Variants in HIPK4 observed in about 807,000 individuals in gnomAD.
The protein encoded by HIPK4 is homeodomain-interacting protein kinase 4.
Under a neutral mutation model 44.8 loss-of-function variants are expected in HIPK4, and 26 were observed. The observed-to-expected ratio is 0.58, with a 90% CI of 0.43 to 0.80. The LOEUF (loss-of-function observed/expected upper bound fraction) is 0.80, where lower values mean the gene tolerates loss of function less well. Ranked by LOEUF, HIPK4 falls within the 30% of genes least tolerant of loss-of-function variation. The pLI is 0.00. For synonymous variants in HIPK4, 340 were observed against 355.5 expected (o/e 0.96, Z 0.49); for missense variants, 729 against 862.6 (o/e 0.85, Z 1.94).
At position 40,383,870 on chromosome 19, in the gene HIPK4, G is replaced by A. The variant is rs1319617298; in HGVS notation, c.735C>T (p.Ala245=). 2.5e-6 allele frequency: 4 copies of A among 1,614,088 alleles called. No individual in the cohort carries two copies. In the Admixed American group the frequency reaches 6.7e-5, roughly 27 times the overall value. Residue 245 remains alanine, a synonymous_variant, in exon 2 of 4, where the codon GCC becomes GCT. Coordinates refer to ENST00000291823, the MANE Select transcript of HIPK4 (RefSeq NM_144685.5). ...KPHLLHAACK[A]HHFFKRNPHP... ...GGGGGTTGCGCTTGAAGAAGTGGTG[G>A]GCCTTGCAGGCGGCGTGCAACAGGT...
intron 1 of HIPK4, among the ~76,000 whole-genome samples, chr19:40,385,896 C>T (rs2079361233): frequency 1.3e-5 from 2 of 151,008 alleles, no homozygotes; most frequent in Admixed American, 6.6e-5. Context: ...TTAGTAGAGA[C>T]GGGGTTTCAC....
At position 40,389,632 on chromosome 19, in the gene HIPK4, G is replaced by T. The variant is rs374640365; in HGVS notation, c.271C>A (p.Leu91Met). 6.2e-7 allele frequency: 1 copy of T among 1,614,206 alleles called. No homozygotes were observed. ...AACTCGAAAAGGTTTTGCTCCAGCA[G>T]CTCAAAGACCAGGTAGAACTTGAGG... is the stretch of plus-strand genomic sequence containing the variant. ...DALKFYLVFELLEQNLFEFQK... is the reference protein window; with the variant it reads ...DALKFYLVFEMLEQNLFEFQK... The change falls in exon 1 of 4, where the codon CTG becomes ATG. Residue 91 changes from leucine to methionine, a missense_variant. Physicochemically the swap from Leu to Met is conservative, Grantham distance 15. Transcript: ENST00000291823. The surrounding 1 kb of genome is among the most constrained non-coding windows in gnomAD (Gnocchi z 4.6).
At chr19:40,386,136 C>A (rs2079362274) in intron 1 of HIPK4, among the ~76,000 whole-genome samples, 1 of 152,120 alleles carries the variant, frequency 6.6e-6, no homozygotes, top group African/African-American at 2.4e-5. Flanking sequence ...GTGGTGTGAT[C>A]TTGGCTCACT....
chr19:40,379,587 T>C lies in HIPK4; in HGVS notation c.1851A>G (p.Ter617TrpextTer2), dbSNP rs1379893490. Residue 617 changes from the stop codon to tryptophan, a stop_lost, in exon 4 of 4, where the codon TGA becomes TGG. Coordinates refer to ENST00000291823, the MANE Select transcript of HIPK4 (RefSeq NM_144685.5). Reference protein sequence around the residue: ...SFLQHVTGHH* With the variant: ...SFLQHVTGHHW ...GTGATGGGCAGGGGTGGAATCACCA[T>C]CAGTGGTGCCCGGTGACATGCTGGA... The C allele has an allele frequency of 1.3e-6, 2 of 1,526,536 alleles. No homozygotes were observed. Among genetic ancestry groups the C allele is most frequent in the Admixed American group, 2.1e-5 (1 of 46,572 alleles). The allele number at this position is 1,526,536 out of a possible 1,614,324, so 94.6% of individuals were successfully genotyped here.
chr19:40,389,740 C>G lies in HIPK4; in HGVS notation c.163G>C (p.Glu55Gln). ...DAYRNRIIKN[E>Q]LKLLHCMRGL... is the part of the protein sequence containing the mutation. The stretch of plus-strand genomic sequence containing the variant: ...CGCATGCAGTGCAGCAGCTTCAGCT[C>G]GTTCTTGATGATGCGGTTGCGGTAG... The change falls in exon 1 of 4, where the codon GAG (glutamate) becomes CAG (glutamine). Residue 55 changes from glutamate (E) to glutamine (Q), a missense_variant. Physicochemically the swap from Glu to Gln is conservative, Grantham distance 29. Around this residue, in one of 2 missense-constraint regions of HIPK4, gnomAD observed 196 missense variants for 295.1 expected, o/e 0.66. Coordinates refer to ENST00000291823, the MANE Select transcript of HIPK4 (RefSeq NM_144685.5). The surrounding 1 kb of genome is among the most constrained non-coding windows in gnomAD (Gnocchi z 4.6). 1 of 1,614,210 alleles carries G rather than the reference C, an allele frequency of 6.2e-7. No homozygotes were observed. Among genetic ancestry groups the G allele is most frequent in the Non-Finnish European group, 8.5e-7 (1 of 1,180,046 alleles).
At chr19:40,388,042 G>A (rs1171788571) in intron 1 of HIPK4, among the ~76,000 whole-genome samples, 1 of 130,112 alleles carries the variant, frequency 7.7e-6, no homozygotes, top group Non-Finnish European at 1.6e-5. Context: ...TGAGACAGAG[G>A]GACTTCCTCT....
chr19:40,384,242 A>AT, intron 1 of HIPK4, 103 bp from the exon 2 acceptor site: 1 of 835,228 alleles, frequency 1.2e-6, no homozygotes, highest in Non-Finnish European at 1.9e-6. Flanking sequence ...TGCATCTGCT[A>AT]TTTGACTCTG....
At chr19:40,381,765 C>T (rs1418347390) in intron 2 of HIPK4, among the ~76,000 whole-genome samples, 2 of 146,496 alleles carry the variant, frequency 1.4e-5, no homozygotes, top group Admixed American at 6.9e-5. Context: ...CTAGACTCAC[C>T]TGAGGTCTCA....
chr19:40,386,040 T>C (rs532905987), intron 1 of HIPK4, among the ~76,000 whole-genome samples: 1 of 151,500 alleles, frequency 6.6e-6, no homozygotes, highest in African/African-American at 2.4e-5. Flanking sequence ...ACACACTATA[T>C]CTCTTAATTT....
intron 2 of HIPK4, among the ~76,000 whole-genome samples, chr19:40,381,640 T>C (rs2079336986): frequency 6.6e-6 from 1 of 152,098 alleles, no homozygotes; most frequent in Admixed American, 6.6e-5. Flanking sequence ...TGCTGTGAAA[T>C]CAAGACCTAT....
At position 40,380,524 on chromosome 19, in the gene HIPK4, G is replaced by A. The variant is rs374739173; in HGVS notation, c.1467C>T (p.Arg489=). The A allele has an allele frequency of 1.2e-5, 19 of 1,612,156 alleles. No individual in the cohort carries two copies. The highest frequency in any genetic ancestry group is 1.6e-5 in the Non-Finnish European group (19 of 1,179,832). Residue 489 remains arginine (R), a synonymous_variant, in exon 3 of 4, where the codon CGC becomes CGT. Transcript: ENST00000291823. The surrounding 1 kb of genome is among the most constrained non-coding windows in gnomAD (Gnocchi z 4.2). ...CGGACTTGGAACCCGCAGGTGGCTT[G>A]CGGGCCTTGTGGCGGCCTGCCAGGC... The part of the protein sequence containing the change: ...SSRLAGRHKA[R]KPPAGSKSDS...
chr19:40,381,248 AT>A, intron 2 of HIPK4, 80 bp from the exon 3 acceptor site: 1 of 1,164,254 alleles, frequency 8.6e-7, no homozygotes, highest in Non-Finnish European at 1.2e-6. Flanking sequence ...TGGCACCCAC[AT>A]GTAGCCCCGA....
chr19:40,390,050 T>C lies in HIPK4; in HGVS notation c.-148A>G. The C allele has an allele frequency of 1.6e-6, 1 of 631,380 alleles. No individual in the cohort carries two copies. The highest frequency in any genetic ancestry group is 2.7e-5 in the East Asian group (1 of 36,510). 39.1% of individuals were successfully genotyped at this position (631,380 alleles called of 1,614,324 possible). A position where few individuals can be genotyped will look rare whatever the true frequency, so the allele number is the denominator to read the frequency against. On this transcript the variant is annotated 5_prime_UTR_variant, in exon 1 of 4. Coordinates refer to ENST00000291823, the MANE Select transcript of HIPK4 (RefSeq NM_144685.5). ...TGTCTCCTCCTATGAGGTTGGCCCC[T>C]GCTTCCCTGGCACCCCCAAACCCCC...
chr19:40,389,262 T>G lies in HIPK4; in HGVS notation c.465+176A>C, dbSNP rs377321176. On this transcript the variant is annotated intron_variant, in intron 1 of 3. Coordinates refer to ENST00000291823, the MANE Select transcript of HIPK4 (RefSeq NM_144685.5). This position sits in a 1 kb window ranked among gnomAD's most constrained non-coding sequence, Gnocchi z 4.6. Reference sequence around the variant, plus strand: ...ATCACTTGAACCCAGGAGGCGGAGTTGCAGTGAGCTGAGATTGTGCCACTG... The same window carrying G: ...ATCACTTGAACCCAGGAGGCGGAGTGGCAGTGAGCTGAGATTGTGCCACTG... Among the ~76,000 whole-genome samples, 7 of 151,892 alleles carry G rather than the reference T, an allele frequency of 4.6e-5. No individual in the cohort carries two copies. The East Asian group carries it at 1.2e-3, about 25-fold the overall frequency.
At position 40,385,683 on chromosome 19, in the gene HIPK4, C is replaced by CTTTTTTTTTTTTTTTT. The variant is rs142414559; in HGVS notation, c.466-1560_466-1545dup. Among the ~76,000 whole-genome samples, 234 of 66,998 alleles carry CTTTTTTTTTTTTTTTT rather than the reference C, an allele frequency of 3.5e-3. 1 individual carries two copies. Among genetic ancestry groups the CTTTTTTTTTTTTTTTT allele is most frequent in the Non-Finnish European group, 4.3e-3 (152 of 35,490 alleles). 44.0% of individuals were successfully genotyped at this position (66,998 alleles called of 152,430 possible). On this transcript the variant is annotated intron_variant, in intron 1 of 3. Coordinates refer to ENST00000291823, the MANE Select transcript of HIPK4 (RefSeq NM_144685.5). ...CCTGTTTTTCTTTTTCTTTTCTTTTCTTTTTTTTTTTTTTTTTTTTTTTTT... is the reference window on the plus strand; with the variant it reads ...CCTGTTTTTCTTTTTCTTTTCTTTTCTTTTTTTTTTTTTTTTTTTTTTTTTTTTTTTTTTTTTTTTT...
At chr19:40,385,649 C>T (rs11667689) in intron 1 of HIPK4, among the ~76,000 whole-genome samples, 57 of 150,960 alleles carry the variant, frequency 3.8e-4, no homozygotes, top group African/African-American at 1.3e-3. Flanking sequence ...TTCTATCCCC[C>T]GCCAGGCCCC....
In HIPK4 at chr19:40,383,941, C is replaced by T. The variant is rs1003425015; in HGVS notation, c.664G>A (p.Asp222Asn). The T allele has an allele frequency of 1.9e-6, 3 of 1,613,972 alleles. No homozygotes were observed. Among genetic ancestry groups the T allele is most frequent in the Non-Finnish European group, 2.5e-6 (3 of 1,180,042 alleles). Residue 222 changes from aspartate (D) to asparagine (N), a missense_variant, in exon 2 of 4, where the codon GAC becomes AAC. By Grantham distance (23) the Asp-to-Asn change is conservative. Coordinates refer to ENST00000291823, the MANE Select transcript of HIPK4 (RefSeq NM_144685.5). ...WPLYPGNNEY[D>N]QVRYICETQG... Reference sequence around the variant, plus strand: ...GTTTCGCAGATGTAGCGCACCTGGTCGTACTCGTTGTTGCCGGGGTAGAGA... The same window carrying T: ...GTTTCGCAGATGTAGCGCACCTGGTTGTACTCGTTGTTGCCGGGGTAGAGA...
chr19:40,383,041 C>T (rs2079344926), intron 2 of HIPK4, among the ~76,000 whole-genome samples: 2 of 146,166 alleles, frequency 1.4e-5, no homozygotes, highest in Admixed American at 6.9e-5. Flanking sequence ...ATCAAGACTC[C>T]GTCTTAAAAA....
rs752178632 is a variant in HIPK4, at chr19:40,381,092, G to C, written c.899C>G (p.Ala300Gly). The change falls in exon 3 of 4, where the codon GCC becomes GGC. Residue 300 changes from alanine (A) to glycine (G), a missense_variant. Ala to Gly is a moderately conservative substitution (Grantham distance 60). This residue lies in a region of HIPK4 where 533 missense variants were observed against 567.5 expected (regional missense o/e 0.94). Transcript: ENST00000291823. ...CCGGTCAGGGAAGGTTAGCCGACTGGCCACACTGCCACCATTCACTGTCTC... is the reference window on the plus strand; with the variant it reads ...CCGGTCAGGGAAGGTTAGCCGACTGCCCACACTGCCACCATTCACTGTCTC... Reference protein sequence around the residue: ...QIETVNGGSVASRLTFPDREA... With the variant: ...QIETVNGGSVGSRLTFPDREA... 6.2e-7 allele frequency: 1 copy of C among 1,611,604 alleles called. No homozygotes were observed.
Sources: allele counts gnomAD v4.1 joint callset (sites outside exome capture counted in the v4.1 genomes callset), GRCh38; gene constraint gnomAD v4.1.1; regional missense constraint gnomAD v4.1.1; non-coding constraint Gnocchi (gnomAD v3.1); transcripts MANE v1.5; gene names NCBI Gene and HGNC (gene_info 2026-07-23, HGNC 2026-07-21).